The following SPATS1 variants were observed in gnomAD, a reference collection of about 807,000 sequenced individuals.
SPATS1 encodes spermatogenesis associated serine rich 1.
A neutral mutation model predicts 33.6 loss-of-function variants in SPATS1; 23 were observed. The ratio of observed to expected loss-of-function variants is 0.68; its 90% CI spans 0.49 to 0.97. SPATS1 has a LOEUF of 0.97. Among genes scored for constraint, SPATS1 ranks in the 50% least tolerant of loss-of-function variants. The pLI is 0.00. For missense variants in SPATS1, 327 were observed against 361.0 expected, an observed-to-expected ratio of 0.91 and a Z score of 0.76; for synonymous variants, 131 against 125.6, an observed-to-expected ratio of 1.04 and a Z score of -0.29.
Position 44,352,792 on chromosome 6 carries a change from G to C in SPATS1, c.206G>C (p.Ser69Thr), listed in dbSNP as rs143239500. 99 of 1,614,034 alleles carry C rather than the reference G, an allele frequency of 6.1e-5. No homozygotes were observed. Among genetic ancestry groups the C allele is most frequent in the Non-Finnish European group, 8.1e-5 (96 of 1,180,012 alleles). Residue 69 changes from serine to threonine, a missense_variant, in exon 3 of 9, where the codon AGT becomes ACT. Physicochemically the swap from Ser to Thr is moderately conservative, Grantham distance 58. Transcript: ENST00000674044. ...GCCAACACAACACCCTCTGGCAAAAGTGTCAGTTCCTCATCTTCTGTGGAA... is the reference window on the plus strand; with the variant it reads ...GCCAACACAACACCCTCTGGCAAAACTGTCAGTTCCTCATCTTCTGTGGAA... ...CFANTTPSGK[S>T]VSSSSSVETG...
chr6:44,371,402 C>T (rs1053919441), intron 7 of SPATS1, among the ~76,000 whole-genome samples: 1 of 152,046 alleles, frequency 6.6e-6, no homozygotes, highest in African/African-American at 2.4e-5. Context: ...GGGACAGTCA[C>T]CCTAATGAAA....
At chr6:44,366,776 A>G (rs1789276542) in intron 5 of SPATS1, among the ~76,000 whole-genome samples, 1 of 152,208 alleles carries the variant, frequency 6.6e-6, no homozygotes, top group South Asian at 2.1e-4. Context: ...TCCAGTTCTG[A>G]TTTCAAATAA....
In SPATS1 at chr6:44,376,501, T is replaced by C. The variant is rs369681383; in HGVS notation, c.874+28T>C. On this transcript the variant is annotated intron_variant, in intron 8 of 8. Transcript: ENST00000674044. ...GGGTTAAAGAAACTTCAAAGAATAG[T>C]GTAAAAACTGGAGGAGTCCGCCGGG... 8 of 1,524,050 alleles carry C rather than the reference T, an allele frequency of 5.2e-6. No individual in the cohort carries two copies. In the African/African-American group the frequency reaches 6.9e-5, roughly 13 times the overall value. 94.4% of individuals were successfully genotyped at this position (1,524,050 alleles called of 1,614,324 possible).
Position 44,342,722 on chromosome 6 carries a change from C to T in SPATS1, c.-47C>T, listed in dbSNP as rs772702285. ...CCCTAGGCTCTCGGTTCTCAGGCCT[C>T]GGCGTGCGGCGTGCGTTCGGCAGTT... is the stretch of plus-strand genomic sequence containing the variant. On this transcript the variant is annotated 5_prime_UTR_variant, in exon 1 of 9. Transcript: ENST00000674044. 1.7e-4 allele frequency: 80 copies of T among 462,996 alleles called. No homozygotes were observed. Among genetic ancestry groups the T allele is most frequent in the African/African-American group, 1.5e-3 (75 of 50,526 alleles). The allele number at this position is 462,996 out of a possible 1,614,324, so 28.7% of individuals were successfully genotyped here. A position where few individuals can be genotyped will look rare whatever the true frequency, so the allele number is the denominator to read the frequency against.
intron 2 of SPATS1, among the ~76,000 whole-genome samples, chr6:44,351,401 A>G (rs1032905692): frequency 3.3e-5 from 5 of 152,170 alleles, no homozygotes; most frequent in African/African-American, 9.7e-5. Flanking sequence ...ATACCAAAAG[A>G]TGACTCTATA....
At position 44,352,836 on chromosome 6, in the gene SPATS1, G is replaced by A. The variant is rs748028460; in HGVS notation, c.250G>A (p.Glu84Lys). ...SSVETGPSVS[E>K]PPGLPRVSAY... Reference sequence around the variant, plus strand: ...TGTGGAAACAGGCCCAAGTGTCAGTGAGCCTCCTGGCCTCCCCAGAGTGTC... The same window carrying A: ...TGTGGAAACAGGCCCAAGTGTCAGTAAGCCTCCTGGCCTCCCCAGAGTGTC... Residue 84 changes from glutamate to lysine, a missense_variant, in exon 3 of 9, where the codon GAG becomes AAG. Coordinates refer to ENST00000674044, the MANE Select transcript of SPATS1 (RefSeq NM_001372081.1). The A allele has an allele frequency of 6.2e-7, 1 of 1,614,148 alleles. No individual in the cohort carries two copies. The highest frequency in any genetic ancestry group is 1.1e-5 in the South Asian group (1 of 91,080).
chr6:44,372,169 A>C (rs1341054462), intron 7 of SPATS1, among the ~76,000 whole-genome samples: 1 of 146,720 alleles, frequency 6.8e-6, no homozygotes, highest in Non-Finnish European at 1.5e-5. Flanking sequence ...CAGGAGAATC[A>C]CTTGAACCCG....
At chr6:44,372,178 C>A (rs1232594222) in intron 7 of SPATS1, among the ~76,000 whole-genome samples, 1 of 144,788 alleles carries the variant, frequency 6.9e-6, no homozygotes, top group African/African-American at 2.6e-5. Context: ...CACTTGAACC[C>A]GGGAGGCAAA....
chr6:44,359,904 T>C (rs1391249623), intron 3 of SPATS1, among the ~76,000 whole-genome samples: 1 of 152,188 alleles, frequency 6.6e-6, no homozygotes, highest in Admixed American at 6.5e-5. Flanking sequence ...TAATATTCCA[T>C]TGTATGTGTT....
chr6:44,342,953 T>G, intron 1 of SPATS1, 143 bp from the exon 2 acceptor site: 1 of 1,254,454 alleles, frequency 8.0e-7, no homozygotes, highest in Non-Finnish European at 1.1e-6. Context: ...GTGGAGGGAG[T>G]AAGGCTCCCG....
intron 1 of SPATS1, 161 bp downstream of exon 1, chr6:44,342,929 C>G (rs985108574): frequency 8.0e-7 from 1 of 1,242,308 alleles, no homozygotes; most frequent in Non-Finnish European, 1.1e-6. Flanking sequence ...GCTTCCAAAC[C>G]ACGAAACGCC....
At chr6:44,352,310 G>A (rs1788289694) in intron 2 of SPATS1, among the ~76,000 whole-genome samples, 1 of 151,834 alleles carries the variant, frequency 6.6e-6, no homozygotes, top group Non-Finnish European at 1.5e-5. Flanking sequence ...TTTGTTTTTT[G>A]TAGAGACGGG....
At chr6:44,348,325 T>C (rs1236519788) in intron 2 of SPATS1, among the ~76,000 whole-genome samples, 2 of 152,192 alleles carry the variant, frequency 1.3e-5, no homozygotes, top group African/African-American at 4.8e-5. Context: ...TTAAAATTTT[T>C]TCTTGAACCT....
intron 3 of SPATS1, among the ~76,000 whole-genome samples, chr6:44,353,797 G>A (rs1195489790): frequency 6.6e-6 from 1 of 152,084 alleles, no homozygotes; most frequent in Admixed American, 6.5e-5. Flanking sequence ...CAGCACTTTG[G>A]GAGGCCGAGG....
chr6:44,362,046 G>A (rs115017017), intron 5 of SPATS1, 54 bp downstream of exon 5: 138 of 1,608,638 alleles, frequency 8.6e-5, no homozygotes, highest in Non-Finnish European at 1.1e-4. Context: ...CTCTCGAGTC[G>A]TGATTCTATA....
At chr6:44,351,272 T>C (rs1318290627) in intron 2 of SPATS1, among the ~76,000 whole-genome samples, 8 of 152,130 alleles carry the variant, frequency 5.3e-5, no homozygotes, top group African/African-American at 1.7e-4. Flanking sequence ...CAGTACAGCA[T>C]ACAGGAGGAT....
At chr6:44,370,422 A>G (rs1240622162) in intron 7 of SPATS1, among the ~76,000 whole-genome samples, 1 of 152,190 alleles carries the variant, frequency 6.6e-6, no homozygotes, top group East Asian at 1.9e-4. Flanking sequence ...GAACATGAGT[A>G]TGTTGGGAAA....
chr6:44,343,064 G>T (rs1485553988), intron 1 of SPATS1, 32 bp from the exon 2 acceptor site: 2 of 1,612,478 alleles, frequency 1.2e-6, no homozygotes, highest in Admixed American at 1.7e-5. Context: ...TCTCTGGGTT[G>T]CTTCTAATAT....
At position 44,376,445 on chromosome 6, in the gene SPATS1, G is replaced by A; in HGVS notation, c.846G>A (p.Val282=). 1 of 1,610,966 alleles carries A rather than the reference G, an allele frequency of 6.2e-7. No individual in the cohort carries two copies. Among genetic ancestry groups the A allele is most frequent in the Non-Finnish European group, 8.5e-7 (1 of 1,178,704 alleles). Residue 282 remains valine, a synonymous_variant, in exon 8 of 9, where the codon GTG becomes GTA. Coordinates refer to ENST00000674044, the MANE Select transcript of SPATS1 (RefSeq NM_001372081.1). ...AGCTTGACAACTGGCAGCCAGCAGT[G>A]CCCTTAATGCACATGCTACACCTTT... ...VEELDNWQPA[V]PLMHMLHLSG...
Sources: gnomAD v4.1 joint callset for allele counts (sites outside exome capture counted in the v4.1 genomes callset) on GRCh38, gnomAD v4.1.1 for gene constraint, MANE v1.5 for transcripts, NCBI Gene and HGNC (gene_info 2026-07-23, HGNC 2026-07-21) for gene names.